PELP1: variants seen among roughly 807,000 people sequenced by gnomAD.
The protein encoded by PELP1 is proline-, glutamic acid- and leucine-rich protein 1.
In PELP1, 32 loss-of-function variants were observed where a neutral mutation model predicts 95.5. That is an observed-to-expected ratio of 0.34 (90% CI 0.25 to 0.45). The LOEUF (loss-of-function observed/expected upper bound fraction) is 0.45, where lower values mean the gene tolerates loss of function less well. Among genes scored for constraint, PELP1 ranks in the 20% least tolerant of loss-of-function variants. The pLI, the probability that PELP1 is intolerant of heterozygous loss-of-function variation, is 1.00. For synonymous variants in PELP1, 668 were observed against 600.1 expected (o/e 1.11, Z -1.65); for missense variants, 1,358 against 1,444.8 (o/e 0.94, Z 0.97).
rs76038822 is a variant in PELP1, at chr17:4,674,589, C to G, written c.1503G>C (p.Val501=). Residue 501 remains valine, a synonymous_variant, in exon 13 of 17, where the codon GTG becomes GTC. Coordinates refer to ENST00000572293, the MANE Select transcript of PELP1 (RefSeq NM_014389.3). ...PSAPKKLKLD[V]GEAMAPPSHR... ...GGCTTGGCGGGGCCATAGCTTCCCC[C>G]ACATCCAGCTTTAGCTTCTTGGGGG... The G allele has an allele frequency of 0.011, 18,089 of 1,611,152 alleles. 119 individuals carry two copies. The highest frequency in any genetic ancestry group is 0.023 in the Middle Eastern group (141 of 6,036).
intron 3 of PELP1, among the ~76,000 whole-genome samples, chr17:4,683,405 A>G (rs555828603): frequency 2.0e-5 from 3 of 151,710 alleles, no homozygotes; most frequent in South Asian, 2.1e-4. Flanking sequence ...TATTTTTAGT[A>G]GAGACGGGGT....
chr17:4,700,835 G>A (rs945396088), intron 1 of PELP1, among the ~76,000 whole-genome samples: 2 of 151,226 alleles, frequency 1.3e-5, no homozygotes, highest in Non-Finnish European at 2.9e-5. Context: ...TGAGGTGGAA[G>A]GATTACTTGA....
Position 4,703,905 on chromosome 17 carries a change from G to C in PELP1, c.207C>G (p.Leu69=). ...ACCCATGCAGCCGCAATAGGCACAT[G>C]AGCCCGGGCAAATGTGGGGCCGAGC... ...PNRSAPHLPG[L]MCLLRLHGSV... The change falls in exon 1 of 17, where the codon CTC becomes CTG. Residue 69 remains leucine (L), a synonymous_variant. Transcript: ENST00000572293. 1 of 1,613,442 alleles carries C rather than the reference G, an allele frequency of 6.2e-7. No individual in the cohort carries two copies. Among genetic ancestry groups the C allele is most frequent in the Non-Finnish European group, 8.5e-7 (1 of 1,179,718 alleles).
In PELP1 at chr17:4,672,107, C is replaced by T; in HGVS notation, c.2884G>A (p.Asp962Asn). The T allele has an allele frequency of 6.4e-7, 1 of 1,553,448 alleles. No individual in the cohort carries two copies. The highest frequency in any genetic ancestry group is 2.0e-5 in the Admixed American group (1 of 51,094). ...CCTCCTGCTGTGCCAAACTCCAGGT[C>T]TTCCACCTCTTCCAGTTCTTCTTCC... Reference protein sequence around the residue: ...EEEEELEEVEDLEFGTAGGEV... With the variant: ...EEEEELEEVENLEFGTAGGEV... Residue 962 changes from aspartate to asparagine, a missense_variant, in exon 16 of 17, where the codon GAC (aspartate) becomes AAC (asparagine). By Grantham distance (23) the Asp-to-Asn change is conservative. Transcript: ENST00000572293.
rs370592606 is a variant in PELP1 at position 4,671,856 on chromosome 17, C to T, written c.3135G>A (p.Ala1045=). The change falls in exon 16 of 17, where the codon GCG becomes GCA. Residue 1045 remains alanine (A), a synonymous_variant. Coordinates refer to ENST00000572293, the MANE Select transcript of PELP1 (RefSeq NM_014389.3). The part of the protein sequence containing the change: ...GEVEREGESP[A]AGPPPQELVE... ...CAAGCTCCTGGGGAGGGGGCCCTGC[C>T]GCAGGGCTTTCCCCTTCCCTCTCCA... The T allele has an allele frequency of 2.1e-4, 320 of 1,512,650 alleles. No homozygotes were observed. Among genetic ancestry groups the T allele is most frequent in the Non-Finnish European group, 2.6e-4 (290 of 1,134,680 alleles). The allele number at this position is 1,512,650 out of a possible 1,614,324, so 93.7% of individuals were successfully genotyped here.
chr17:4,674,366 A>G, intron 13 of PELP1, 144 bp downstream of exon 13: 1 of 691,140 alleles, frequency 1.4e-6, no homozygotes, highest in Non-Finnish European at 2.4e-6. Flanking sequence ...TTGGGGGATC[A>G]CTTATCGCAG....
intron 5 of PELP1, among the ~76,000 whole-genome samples, chr17:4,679,956 G>A (rs1026594402): frequency 2.0e-5 from 3 of 152,148 alleles, no homozygotes; most frequent in African/African-American, 4.8e-5. Context: ...CGCTCAGGCC[G>A]ATGGAACTCT....
At chr17:4,683,177 G>C in intron 3 of PELP1, 1 of 846,092 alleles carries the variant, frequency 1.2e-6, no homozygotes, top group Non-Finnish European at 1.6e-6. Context: ...GAAAAAAAGA[G>C]TAACAAAGCT....
chr17:4,681,597 C>G lies in PELP1; in HGVS notation c.642+905G>C, dbSNP rs188971494. On this transcript the variant is annotated intron_variant, in intron 5 of 16. Coordinates refer to ENST00000572293, the MANE Select transcript of PELP1 (RefSeq NM_014389.3). Reference sequence around the variant, plus strand: ...CGGGCGGATCACAAAGTCAAGAGATCGAGACCATCCTGGCCAACATGATGA... The same window carrying G: ...CGGGCGGATCACAAAGTCAAGAGATGGAGACCATCCTGGCCAACATGATGA... 2.0e-5 allele frequency among the ~76,000 whole-genome samples: 3 copies of G among 151,800 alleles called. No homozygotes were observed. The East Asian group carries it at 5.8e-4, about 29-fold the overall frequency.
At chr17:4,689,368 C>A (rs551411962) in intron 3 of PELP1, among the ~76,000 whole-genome samples, 1 of 152,108 alleles carries the variant, frequency 6.6e-6, no homozygotes, top group Non-Finnish European at 1.5e-5. Flanking sequence ...CACAGCAAAA[C>A]AAATAATCAG....
At chr17:4,697,718 T>A (rs746553217) in intron 1 of PELP1, among the ~76,000 whole-genome samples, 10 of 152,058 alleles carry the variant, frequency 6.6e-5, no homozygotes, top group Non-Finnish European at 1.0e-4. Flanking sequence ...CAGCAAAGGG[T>A]TGTTTCGGCA....
chr17:4,685,275 C>T (rs1263645682), intron 3 of PELP1, among the ~76,000 whole-genome samples: 2 of 152,116 alleles, frequency 1.3e-5, no homozygotes, highest in East Asian at 3.9e-4. Flanking sequence ...AATAACTCCT[C>T]CCTCGTCCCT....
chr17:4,680,575 G>A (rs1456165774), intron 5 of PELP1, among the ~76,000 whole-genome samples: 1 of 152,156 alleles, frequency 6.6e-6, no homozygotes, highest in Non-Finnish European at 1.5e-5. Flanking sequence ...ACCACGCCCA[G>A]CCTCATAATC....
At chr17:4,677,840 G>A (rs1248840838) in intron 5 of PELP1, among the ~76,000 whole-genome samples, 1 of 151,832 alleles carries the variant, frequency 6.6e-6, no homozygotes, top group African/African-American at 2.4e-5. Context: ...TGAGGTGGGA[G>A]GACCACCCAA....
intron 3 of PELP1, among the ~76,000 whole-genome samples, chr17:4,683,980 A>C (rs536493383): frequency 6.6e-6 from 1 of 151,948 alleles, no homozygotes; most frequent in South Asian, 2.1e-4. Flanking sequence ...GGAGAAGAGC[A>C]CTTTTCAGAC....
chr17:4,687,424 G>A (rs553578853), intron 3 of PELP1, among the ~76,000 whole-genome samples: 172 of 148,768 alleles, frequency 1.2e-3, no homozygotes, highest in Non-Finnish European at 1.9e-3. Context: ...GGAGCCTGTA[G>A]TCCCAGCTAC....
chr17:4,692,722 C>T (rs1913155802), intron 1 of PELP1, among the ~76,000 whole-genome samples: 1 of 151,642 alleles, frequency 6.6e-6, no homozygotes. Context: ...CCAAAAAGGC[C>T]ATTTAGGCCG....
At chr17:4,694,796 C>T (rs754249695) in intron 1 of PELP1, among the ~76,000 whole-genome samples, 2 of 132,632 alleles carry the variant, frequency 1.5e-5, no homozygotes, top group Admixed American at 7.6e-5. Flanking sequence ...CATGGTGAAA[C>T]CCCGGCTCTA....
intron 1 of PELP1, among the ~76,000 whole-genome samples, chr17:4,697,858 C>A (rs1913353557): frequency 6.6e-6 from 1 of 151,712 alleles, no homozygotes; most frequent in African/African-American, 2.4e-5. Context: ...CTAAGACATT[C>A]ACATTATCTC....
Sources: gnomAD v4.1 joint callset for allele counts (sites outside exome capture counted in the v4.1 genomes callset) on GRCh38, gnomAD v4.1.1 for gene constraint, MANE v1.5 for transcripts, NCBI Gene and HGNC (gene_info 2026-07-23, HGNC 2026-07-21) for gene names.